The following ASTN2 variants were observed in gnomAD, a reference collection of about 807,000 sequenced individuals.
The protein encoded by ASTN2 is astrotactin-2.
A neutral mutation model predicts 139.8 loss-of-function variants in ASTN2; 54 were observed. The observed-to-expected ratio is 0.39, with a 90% CI of 0.31 to 0.48. The LOEUF (loss-of-function observed/expected upper bound fraction) is 0.48. Ranked by LOEUF, ASTN2 falls within the 20% of genes least tolerant of loss-of-function variation. The pLI, the probability that ASTN2 is intolerant of heterozygous loss-of-function variation, is 0.95. For missense variants in ASTN2, 1,565 were observed against 1,725.1 expected (o/e 0.91, Z 1.64); for synonymous variants, 756 against 719.5 (o/e 1.05, Z -0.81).
At chr9:117,122,749 G>A (rs188313814) in intron 4 of ASTN2, among the ~76,000 whole-genome samples, 102 of 152,254 alleles carry the variant, frequency 6.7e-4, no homozygotes, top group Non-Finnish European at 9.1e-4. Context: ...CATTGCTGGT[G>A]GTGGGTTTAT....
chr9:117,175,985 A>G (rs1451722390), intron 3 of ASTN2, among the ~76,000 whole-genome samples: 1 of 152,020 alleles, frequency 6.6e-6, no homozygotes. Flanking sequence ...TATGTTTTTA[A>G]ATATGATTAT....
chr9:116,961,328 C>T (rs1452533904), intron 10 of ASTN2, among the ~76,000 whole-genome samples: 1 of 152,116 alleles, frequency 6.6e-6, no homozygotes, highest in East Asian at 1.9e-4. Flanking sequence ...GAAGTCTTCT[C>T]ATCTTGCAAA....
chr9:117,180,797 T>C (rs1376867056), intron 3 of ASTN2: 20 of 1,541,400 alleles, frequency 1.3e-5, no homozygotes, highest in Non-Finnish European at 1.8e-5. Flanking sequence ...TCAGCCACCA[T>C]GTCTTCAAAT....
Position 117,008,092 on chromosome 9 carries a change from C to T in ASTN2, c.1591G>A (p.Gly531Arg), listed in dbSNP as rs776296190. The T allele has an allele frequency of 1.9e-6, 3 of 1,586,746 alleles. No homozygotes were observed. The highest frequency in any genetic ancestry group is 1.7e-6 in the Non-Finnish European group (2 of 1,165,296). Residue 531 changes from glycine to arginine, a missense_variant and splice_region_variant, in exon 7 of 23, where the codon GGA becomes AGA. Around this residue, in one of 4 missense-constraint regions of ASTN2, gnomAD observed 503 missense variants for 591.7 expected, o/e 0.85. Coordinates refer to ENST00000313400, the MANE Select transcript of ASTN2 (RefSeq NM_001365068.1). ...ACEQLCDPETGECSCHEGYAP... is the reference protein window; with the variant it reads ...ACEQLCDPETRECSCHEGYAP... ...CCCCATCCCGGCTCCCATGGCTCACCGGTTTCTGGGTCGCAGAGCTGCTCA... is the reference window on the plus strand; with the variant it reads ...CCCCATCCCGGCTCCCATGGCTCACTGGTTTCTGGGTCGCAGAGCTGCTCA...
chr9:117,186,909 T>A (rs1831214521), intron 3 of ASTN2, among the ~76,000 whole-genome samples: 1 of 152,184 alleles, frequency 6.6e-6, no homozygotes, highest in Non-Finnish European at 1.5e-5. Flanking sequence ...GGAGGGCAGA[T>A]CATGAAGTCA....
chr9:116,651,636 G>T lies in ASTN2; in HGVS notation c.2964C>A (p.His988Gln). 1 of 1,614,158 alleles carries T rather than the reference G, an allele frequency of 6.2e-7. No homozygotes were observed. Among genetic ancestry groups the T allele is most frequent in the Non-Finnish European group, 8.5e-7 (1 of 1,180,042 alleles). The change falls in exon 17 of 23, where the codon CAC becomes CAA. Residue 988 changes from histidine (H) to glutamine (Q), a missense_variant. Around this residue, in one of 4 missense-constraint regions of ASTN2, gnomAD observed 418 missense variants for 465.8 expected, o/e 0.90. Transcript: ENST00000313400. ...EEKGRCPSTCHLCRRPGKEQL... is the reference protein window; with the variant it reads ...EEKGRCPSTCQLCRRPGKEQL... ...GCTCCTTGCCTGGCCGGCGGCAAAG[G>T]TGACAGGTAGATGGACAGCGCCCCT...
At chr9:116,959,682 T>C (rs1158918506) in intron 10 of ASTN2, among the ~76,000 whole-genome samples, 1 of 152,028 alleles carries the variant, frequency 6.6e-6, no homozygotes, top group Non-Finnish European at 1.5e-5. Context: ...GGCAGATCCA[T>C]TGCAAGCTTT....
chr9:117,158,794 A>G (rs892400340), intron 3 of ASTN2, among the ~76,000 whole-genome samples: 4 of 152,040 alleles, frequency 2.6e-5, no homozygotes, highest in East Asian at 1.9e-4. Context: ...ACACTGTCCT[A>G]TTAAATTTGC....
intron 2 of ASTN2, among the ~76,000 whole-genome samples, chr9:117,224,711 G>A (rs779836412): frequency 2.0e-5 from 3 of 152,188 alleles, no homozygotes; most frequent in Non-Finnish European, 2.9e-5. Flanking sequence ...TAACCACGCT[G>A]TATCCTTCAC....
At chr9:117,211,730 T>C (rs566863269) in intron 3 of ASTN2, among the ~76,000 whole-genome samples, 2 of 152,072 alleles carry the variant, frequency 1.3e-5, no homozygotes, top group South Asian at 4.2e-4. Flanking sequence ...AATCAACATA[T>C]AAAAATTAGA....
At chr9:117,229,102 C>T (rs1254304502) in intron 2 of ASTN2, among the ~76,000 whole-genome samples, 2 of 152,148 alleles carry the variant, frequency 1.3e-5, no homozygotes, top group African/African-American at 4.8e-5. Flanking sequence ...TACCTGTCAC[C>T]TTACCCTTAA....
At chr9:116,516,313 C>T (rs1850646610) in intron 19 of ASTN2, among the ~76,000 whole-genome samples, 1 of 152,174 alleles carries the variant, frequency 6.6e-6, no homozygotes, top group Non-Finnish European at 1.5e-5. Context: ...TCTTTATATC[C>T]TGCTGGAGGT....
intron 2 of ASTN2, among the ~76,000 whole-genome samples, chr9:117,247,868 T>C (rs894122705): frequency 6.6e-6 from 1 of 152,232 alleles, no homozygotes; most frequent in Non-Finnish European, 1.5e-5. Flanking sequence ...ACATGACTCA[T>C]ATATGTGCCT....
At chr9:117,209,976 T>A (rs574406932) in intron 3 of ASTN2, among the ~76,000 whole-genome samples, 8 of 152,024 alleles carry the variant, frequency 5.3e-5, no homozygotes, top group Non-Finnish European at 1.0e-4. Flanking sequence ...AGGAAGAAAT[T>A]AAGAATAAAA....
chr9:116,505,727 A>C (rs1392454931), intron 19 of ASTN2, among the ~76,000 whole-genome samples: 3 of 152,178 alleles, frequency 2.0e-5, no homozygotes. Context: ...ATCAACTCCT[A>C]GGCAATCCAA....
intron 2 of ASTN2, among the ~76,000 whole-genome samples, chr9:117,269,389 T>G (rs1231633996): frequency 6.6e-6 from 1 of 152,200 alleles, no homozygotes; most frequent in African/African-American, 2.4e-5. Context: ...GAGTGCATAT[T>G]TAATTACACT....
intron 19 of ASTN2, among the ~76,000 whole-genome samples, chr9:116,579,697 A>G (rs542288205): frequency 1.3e-5 from 2 of 152,326 alleles, no homozygotes; most frequent in East Asian, 3.9e-4. Context: ...ACTGGGCAAT[A>G]TAGTGAGACC....
At chr9:117,334,276 T>C (rs1433825828) in intron 1 of ASTN2, among the ~76,000 whole-genome samples, 1 of 152,130 alleles carries the variant, frequency 6.6e-6, no homozygotes, top group East Asian at 1.9e-4. Flanking sequence ...AAGTGGTCAC[T>C]CTTTAGTGCC....
At chr9:116,703,458 C>A (rs998877610) in intron 16 of ASTN2, among the ~76,000 whole-genome samples, 7 of 151,654 alleles carry the variant, frequency 4.6e-5, no homozygotes, top group African/African-American at 7.3e-5. Flanking sequence ...CCATCATTCT[C>A]AGTAAACTAT....
Sources: gnomAD v4.1 joint callset for allele counts (sites outside exome capture counted in the v4.1 genomes callset) on GRCh38, gnomAD v4.1.1 for gene constraint, gnomAD v4.1.1 regional missense constraint, MANE v1.5 for transcripts, NCBI Gene and HGNC (gene_info 2026-07-23, HGNC 2026-07-21) for gene names.